The following IMMP2L variants were observed in gnomAD, a reference collection of about 807,000 sequenced individuals.
IMMP2L encodes the protein mitochondrial inner membrane protease subunit 2.
In IMMP2L, 18 loss-of-function variants were observed where a neutral mutation model predicts 19.3. That is an observed-to-expected ratio of 0.93 (90% CI 0.64 to 1.38). The LOEUF is 1.38. IMMP2L is among the 40% of genes most tolerant of loss of function. IMMP2L has a pLI of 0.00. For synonymous variants in IMMP2L, 76 were observed against 73.0 expected (o/e 1.04, Z -0.21); for missense variants, 233 against 218.2 (o/e 1.07, Z -0.43).
intron 5 of IMMP2L, among the ~76,000 whole-genome samples, chr7:110,838,250 T>C (rs1392892884): frequency 1.3e-5 from 2 of 152,194 alleles, no homozygotes; most frequent in East Asian, 3.9e-4. Context: ...TGTTCTACTA[T>C]TAAGCAATAT....
chr7:110,829,559 C>T (rs2030967), intron 5 of IMMP2L, among the ~76,000 whole-genome samples: 2 of 152,004 alleles, frequency 1.3e-5, no homozygotes, highest in Admixed American at 1.3e-4. Flanking sequence ...CTTTCCATTT[C>T]ATTGGTTTCA....
intron 3 of IMMP2L, among the ~76,000 whole-genome samples, chr7:111,256,423 A>T (rs1183390657): frequency 6.6e-6 from 1 of 152,084 alleles, no homozygotes; most frequent in African/African-American, 2.4e-5. Flanking sequence ...TCACTGTGTA[A>T]GATAATACAT....
chr7:111,489,547 CA>C (rs1290079622), intron 2 of IMMP2L, among the ~76,000 whole-genome samples: 1 of 152,146 alleles, frequency 6.6e-6, no homozygotes, highest in Non-Finnish European at 1.5e-5. Context: ...GAACGCAGGG[CA>C]ACAGCCAGTC....
At chr7:111,324,495 T>A (rs534319910) in intron 3 of IMMP2L, among the ~76,000 whole-genome samples, 2 of 151,928 alleles carry the variant, frequency 1.3e-5, no homozygotes, top group Admixed American at 6.6e-5. Context: ...TAAATTAAGT[T>A]GAGGCAAGTC....
At chr7:110,704,116 G>A (rs1794481746) in intron 5 of IMMP2L, among the ~76,000 whole-genome samples, 1 of 152,100 alleles carries the variant, frequency 6.6e-6, no homozygotes, top group Non-Finnish European at 1.5e-5. Context: ...CAAAGTGCTG[G>A]CAAGAGGGGA....
At chr7:111,104,333 A>C (rs1332330462) in intron 3 of IMMP2L, among the ~76,000 whole-genome samples, 1 of 151,704 alleles carries the variant, frequency 6.6e-6, no homozygotes, top group African/African-American at 2.4e-5. Flanking sequence ...CCACAGTTCA[A>C]ATTTATTGTA....
chr7:111,439,761 C>A (rs1837537344), intron 3 of IMMP2L, among the ~76,000 whole-genome samples: 1 of 151,890 alleles, frequency 6.6e-6, no homozygotes, highest in Non-Finnish European at 1.5e-5. Context: ...ATTGGCTCTT[C>A]TCTTCATGAA....
chr7:110,961,927 T>C (rs2129555391), intron 4 of IMMP2L, among the ~76,000 whole-genome samples: 1 of 152,020 alleles, frequency 6.6e-6, no homozygotes, highest in African/African-American at 2.4e-5. Flanking sequence ...AGGAGTTTAA[T>C]GCAAATGGAC....
intron 1 of IMMP2L, among the ~76,000 whole-genome samples, chr7:111,543,856 T>C (rs1394979193): frequency 6.6e-6 from 1 of 152,274 alleles, no homozygotes; most frequent in South Asian, 2.1e-4. Flanking sequence ...GAACAGAAAA[T>C]ACTTTTCTTC....
At chr7:110,721,096 A>T (rs1795536421) in intron 5 of IMMP2L, among the ~76,000 whole-genome samples, 1 of 151,748 alleles carries the variant, frequency 6.6e-6, no homozygotes, top group Non-Finnish European at 1.5e-5. Flanking sequence ...TTCCAAGGAA[A>T]TTACCATCCT....
intron 3 of IMMP2L, among the ~76,000 whole-genome samples, chr7:111,348,443 C>T (rs1827798127): frequency 6.6e-6 from 1 of 152,102 alleles, no homozygotes; most frequent in African/African-American, 2.4e-5. Flanking sequence ...CCCTAAAACA[C>T]AGTAGATGTT....
intron 4 of IMMP2L, among the ~76,000 whole-genome samples, chr7:110,917,728 T>C (rs547698209): frequency 6.6e-6 from 1 of 152,284 alleles, no homozygotes; most frequent in African/African-American, 2.4e-5. Context: ...CTGCACTACA[T>C]TTTTAAAAAT....
intron 3 of IMMP2L, among the ~76,000 whole-genome samples, chr7:111,129,882 G>C (rs1434343462): frequency 6.6e-6 from 1 of 152,160 alleles, no homozygotes; most frequent in African/African-American, 2.4e-5. Context: ...CCAATTATAA[G>C]AAAAATTATT....
intron 3 of IMMP2L, among the ~76,000 whole-genome samples, chr7:111,314,880 T>C (rs1173641536): frequency 4.6e-5 from 7 of 152,160 alleles, no homozygotes; most frequent in Admixed American, 2.0e-4. Flanking sequence ...TAAATTAAGC[T>C]GTGAAATATA....
intron 3 of IMMP2L, among the ~76,000 whole-genome samples, chr7:111,177,684 G>T (rs1321337209): frequency 6.6e-6 from 1 of 151,986 alleles, no homozygotes; most frequent in Non-Finnish European, 1.5e-5. Context: ...TGTTATTAAG[G>T]CCCTAGAAGA....
At chr7:111,086,086 G>A (rs188345235) in intron 3 of IMMP2L, among the ~76,000 whole-genome samples, 8 of 151,884 alleles carry the variant, frequency 5.3e-5, no homozygotes, top group African/African-American at 9.7e-5. Context: ...GTTTACCTTT[G>A]TAACAAACCT....
At chr7:111,429,838 G>C (rs1215045908) in intron 3 of IMMP2L, among the ~76,000 whole-genome samples, 3 of 151,766 alleles carry the variant, frequency 2.0e-5, no homozygotes, top group Non-Finnish European at 4.4e-5. Context: ...TTGTTTATTG[G>C]ACATATTGGC....
chr7:111,125,963 C>T (rs1169695446), intron 3 of IMMP2L, among the ~76,000 whole-genome samples: 1 of 151,628 alleles, frequency 6.6e-6, no homozygotes, highest in African/African-American at 2.4e-5. Flanking sequence ...GCTGGGATTA[C>T]AGGCAGGTGA....
At chr7:111,087,848 G>C (rs1310546089) in intron 3 of IMMP2L, among the ~76,000 whole-genome samples, 1 of 152,162 alleles carries the variant, frequency 6.6e-6, no homozygotes, top group Non-Finnish European at 1.5e-5. Flanking sequence ...AATAATGCCA[G>C]TAATAATGTC....
Sources: gnomAD v4.1 joint callset for allele counts (sites outside exome capture counted in the v4.1 genomes callset) on GRCh38, gnomAD v4.1.1 for gene constraint, MANE v1.5 for transcripts, NCBI Gene and HGNC (gene_info 2026-07-23, HGNC 2026-07-21) for gene names.